UNC13B: variants seen among roughly 807,000 people sequenced by gnomAD.
UNC13B encodes the protein protein unc-13 homolog B.
Under a neutral mutation model 211.0 loss-of-function variants are expected in UNC13B, and 144 were observed. The observed-to-expected ratio is 0.68, with a 90% CI of 0.60 to 0.78. UNC13B has a LOEUF of 0.78. UNC13B is among the 30% of genes least tolerant of loss of function. The pLI is 0.00. For synonymous variants in UNC13B, 709 were observed against 725.8 expected (o/e 0.98, Z 0.37); for missense variants, 1,777 against 2,002.0 (o/e 0.89, Z 2.14).
chr9:35,324,567 C>G (rs1349417087), intron 11 of UNC13B, among the ~76,000 whole-genome samples: 1 of 152,184 alleles, frequency 6.6e-6, no homozygotes, highest in Non-Finnish European at 1.5e-5. Flanking sequence ...TGAAGGTCAT[C>G]AGTGAGCTCC....
At chr9:35,282,641 G>T (rs1486145379) in intron 7 of UNC13B, among the ~76,000 whole-genome samples, 1 of 152,008 alleles carries the variant, frequency 6.6e-6, no homozygotes, top group African/African-American at 2.4e-5. Context: ...CACCATGTTG[G>T]CCAGGCTGGT....
intron 7 of UNC13B, among the ~76,000 whole-genome samples, chr9:35,287,905 C>G (rs1484665058): frequency 6.6e-6 from 1 of 151,732 alleles, no homozygotes; most frequent in Non-Finnish European, 1.5e-5. Context: ...GTCAATATAC[C>G]TAACCCTGAA....
At chr9:35,346,947 C>T (rs1273710697) in intron 11 of UNC13B, among the ~76,000 whole-genome samples, 1 of 150,584 alleles carries the variant, frequency 6.6e-6, no homozygotes, top group Non-Finnish European at 1.5e-5. Flanking sequence ...TTTTTAAAGA[C>T]AGGGTCTTGT....
chr9:35,380,574 T>C lies in UNC13B; in HGVS notation c.10310T>C (p.Phe3437Ser). Reference sequence around the variant, plus strand: ...CGCCTAAAGCGAGAGTCTGATGATTTCCTTGGCCAAACCATCATTGAGGTT... The same window carrying C: ...CGCCTAAAGCGAGAGTCTGATGATTCCCTTGGCCAAACCATCATTGAGGTT... ...KQRLKRESDD[F>S]LGQTIIEVRT... The change falls in exon 18 of 40, where the codon TTC (phenylalanine) becomes TCC (serine). Residue 3437 changes from phenylalanine to serine, a missense_variant. Transcript: ENST00000635942. 4 of 1,614,240 alleles carry C rather than the reference T, an allele frequency of 2.5e-6. No homozygotes were observed. Among genetic ancestry groups the C allele is most frequent in the Non-Finnish European group, 3.4e-6 (4 of 1,180,038 alleles).
At chr9:35,382,706 G>T (rs1033362972) in intron 21 of UNC13B, among the ~76,000 whole-genome samples, 199 bp downstream of exon 21, 1 of 151,926 alleles carries the variant, frequency 6.6e-6, no homozygotes, top group Non-Finnish European at 1.5e-5. Context: ...GGGATTACAG[G>T]CACCCGCCAC....
intron 9 of UNC13B, among the ~76,000 whole-genome samples, 159 bp downstream of exon 9, chr9:35,308,571 T>C (rs1212133080): frequency 6.6e-6 from 1 of 152,182 alleles, no homozygotes; most frequent in Non-Finnish European, 1.5e-5. Flanking sequence ...TAACAAGAAC[T>C]CAGTGTGTGG....
intron 6 of UNC13B, 110 bp downstream of exon 6, chr9:35,243,474 C>A: frequency 8.8e-7 from 1 of 1,130,126 alleles, no homozygotes; most frequent in Non-Finnish European, 1.3e-6. Flanking sequence ...AATGAAATCA[C>A]TTAAATTGCA....
intron 11 of UNC13B, among the ~76,000 whole-genome samples, chr9:35,315,420 A>C (rs1309946457): frequency 6.6e-6 from 1 of 152,204 alleles, no homozygotes; most frequent in Non-Finnish European, 1.5e-5. Flanking sequence ...CAAAAACAGT[A>C]AAGAACTACT....
chr9:35,228,111 A>G, intron 2 of UNC13B, 67 bp downstream of exon 2: 1 of 1,367,286 alleles, frequency 7.3e-7, no homozygotes, highest in Admixed American at 2.2e-5. Flanking sequence ...AATTTAAAAA[A>G]ATTATTAATT....
At chr9:35,264,210 C>G (rs753301372) in intron 7 of UNC13B, among the ~76,000 whole-genome samples, 1 of 152,042 alleles carries the variant, frequency 6.6e-6, no homozygotes, top group Non-Finnish European at 1.5e-5. Flanking sequence ...AAGAGGAGAG[C>G]TACAGAGAAA....
Position 35,353,293 on chromosome 9 carries a change from C to T in UNC13B, c.9415-13654C>T, listed in dbSNP as rs1385158995. The T allele has an allele frequency of 5.7e-6, 7 of 1,232,126 alleles. No individual in the cohort carries two copies. In the South Asian group the frequency reaches 2.1e-4, roughly 36 times the overall value. The allele number at this position is 1,232,126 out of a possible 1,614,324, so 76.3% of individuals were successfully genotyped here. Reference sequence around the variant, plus strand: ...CAAGTAAACTGGGCCGAGCAATTCACCACTTTCGTTCTGCTCTGCAGGGTG... The same window carrying T: ...CAAGTAAACTGGGCCGAGCAATTCATCACTTTCGTTCTGCTCTGCAGGGTG... On this transcript the variant is annotated intron_variant, in intron 11 of 39. Coordinates refer to ENST00000635942, the MANE Select transcript of UNC13B (RefSeq NM_001371189.2).
chr9:35,385,159 G>C (rs1045689762), intron 22 of UNC13B: 5 of 985,222 alleles, frequency 5.1e-6, no homozygotes, highest in Non-Finnish European at 6.0e-6. Context: ...CCTAAGACTC[G>C]TGCCAAAGTG....
intron 11 of UNC13B, among the ~76,000 whole-genome samples, chr9:35,344,833 G>C (rs538292582): frequency 6.6e-6 from 1 of 152,230 alleles, no homozygotes; most frequent in Admixed American, 6.5e-5. Flanking sequence ...CCCTCTAAAG[G>C]GTTTGTCCAA....
At chr9:35,351,498 A>C in intron 11 of UNC13B, 2 of 1,232,218 alleles carry the variant, frequency 1.6e-6, no homozygotes, top group Non-Finnish European at 2.0e-6. Context: ...AGGAAGAAGC[A>C]GAGAACCCCT....
intron 1 of UNC13B, among the ~76,000 whole-genome samples, chr9:35,181,839 CAAAT>C (rs1339937993): frequency 1.3e-5 from 2 of 152,042 alleles, no homozygotes; most frequent in African/African-American, 4.8e-5. Flanking sequence ...CTCAAAAAAA[CAAAT>C]AAATAAATAC....
intron 7 of UNC13B, among the ~76,000 whole-genome samples, chr9:35,262,973 C>T (rs1488283567): frequency 1.3e-5 from 2 of 152,006 alleles, no homozygotes; most frequent in African/African-American, 4.8e-5. Flanking sequence ...CAAAACTTTG[C>T]CTTTTTGGTC....
intron 11 of UNC13B, among the ~76,000 whole-genome samples, chr9:35,364,073 G>A (rs1036858885): frequency 4.6e-5 from 7 of 152,158 alleles, no homozygotes; most frequent in African/African-American, 1.7e-4. Flanking sequence ...AAATGGAAAA[G>A]GCTCAGTCAC....
intron 8 of UNC13B, among the ~76,000 whole-genome samples, chr9:35,297,561 T>TTTTTTTTTTGTTTTTTTTTTTTTTG: frequency 2.3e-5 from 3 of 128,160 alleles, no homozygotes; most frequent in African/African-American, 5.9e-5. Flanking sequence ...TTTTTTTTTT[T>TTTTTTTTTTGTTTTTTTTTTTTTTG]TTTTTTGAGA....
At chr9:35,262,555 T>C (rs1564101289) in intron 7 of UNC13B, among the ~76,000 whole-genome samples, 1 of 152,096 alleles carries the variant, frequency 6.6e-6, no homozygotes, top group Non-Finnish European at 1.5e-5. Flanking sequence ...TGACCTCCAG[T>C]GATCCGCCCA....
Sources: gnomAD v4.1 joint callset for allele counts (sites outside exome capture counted in the v4.1 genomes callset) on GRCh38, gnomAD v4.1.1 for gene constraint, MANE v1.5 for transcripts, NCBI Gene and HGNC (gene_info 2026-07-23, HGNC 2026-07-21) for gene names.